Variants in ENTREP2 observed in about 807,000 individuals in gnomAD.
ENTREP2 encodes the protein endosomal transmembrane epsin interactor 2.
At chr15:29,174,994 ATGT>A in the ENTREP2 span, among the ~76,000 whole-genome samples, 3 of 152,208 alleles carry the variant, frequency 2.0e-5, no homozygotes, top group Admixed American at 6.5e-5. Flanking sequence ...GAGAGTAAAC[ATGT>A]TGTGATTTTT....
the ENTREP2 span, among the ~76,000 whole-genome samples, chr15:29,286,608 G>C: frequency 2.6e-5 from 4 of 152,180 alleles, no homozygotes; most frequent in Non-Finnish European, 1.5e-5. Context: ...CCCGGCCTCG[G>C]AGGCTGACAC....
At chr15:29,397,807 A>G in the ENTREP2 span, among the ~76,000 whole-genome samples, 1 of 152,182 alleles carries the variant, frequency 6.6e-6, no homozygotes, top group Non-Finnish European at 1.5e-5. Flanking sequence ...GCACAGAGGG[A>G]AAAAAGGGGG....
At chr15:29,635,941 G>A in the ENTREP2 span, among the ~76,000 whole-genome samples, 2 of 152,144 alleles carry the variant, frequency 1.3e-5, no homozygotes, top group African/African-American at 4.8e-5. Context: ...GGCTGCTCTG[G>A]AAGAAAAAGC....
the ENTREP2 span, among the ~76,000 whole-genome samples, chr15:29,292,141 CACTT>C: frequency 1.7e-4 from 26 of 152,274 alleles, no homozygotes; most frequent in African/African-American, 5.8e-4. Context: ...TGGAGACTGA[CACTT>C]ACTGCAACTT....
chr15:29,550,935 C>G, the ENTREP2 span, among the ~76,000 whole-genome samples: 1 of 152,156 alleles, frequency 6.6e-6, no homozygotes, highest in Non-Finnish European at 1.5e-5. Context: ...CACAGTCACA[C>G]AGCAAATATG....
At chr15:29,566,797 A>C in the ENTREP2 span, among the ~76,000 whole-genome samples, 362 of 151,518 alleles carry the variant, frequency 2.4e-3, 1 homozygote, top group African/African-American at 8.4e-3. Context: ...TTATATATTA[A>C]TTTCAGAGTA....
At chr15:29,366,579 T>C in the ENTREP2 span, among the ~76,000 whole-genome samples, 1 of 152,162 alleles carries the variant, frequency 6.6e-6, no homozygotes, top group Non-Finnish European at 1.5e-5. Flanking sequence ...TGCTTCCCTG[T>C]AGCCATTCTC....
the ENTREP2 span, among the ~76,000 whole-genome samples, chr15:29,622,416 C>T: frequency 6.6e-6 from 1 of 152,094 alleles, no homozygotes; most frequent in Non-Finnish European, 1.5e-5. Flanking sequence ...CCATGTTGAC[C>T]AGGCTGGTTT....
the ENTREP2 span, among the ~76,000 whole-genome samples, chr15:29,207,058 G>C: frequency 1.3e-5 from 2 of 152,106 alleles, no homozygotes; most frequent in Non-Finnish European, 2.9e-5. Flanking sequence ...AAAGCTACTC[G>C]CCAAGCAGCT....
chr15:29,227,107 C>T, the ENTREP2 span, among the ~76,000 whole-genome samples: 5 of 152,128 alleles, frequency 3.3e-5, no homozygotes, highest in African/African-American at 1.2e-4. Context: ...CTGGGGATAG[C>T]GGCTTGGAGG....
chr15:29,471,463 C>T, the ENTREP2 span, among the ~76,000 whole-genome samples: 4 of 152,184 alleles, frequency 2.6e-5, no homozygotes, highest in Non-Finnish European at 5.9e-5. Context: ...GAAAGACAAG[C>T]ACAGAAAACA....
At chr15:29,538,638 CAAAA>C in the ENTREP2 span, among the ~76,000 whole-genome samples, 1 of 78,996 alleles carries the variant, frequency 1.3e-5, no homozygotes, top group African/African-American at 4.6e-5. Flanking sequence ...ACTAAAAATA[CAAAA>C]AAAAAAAAAA....
chr15:29,399,197 G>A, the ENTREP2 span, among the ~76,000 whole-genome samples: 6 of 152,106 alleles, frequency 3.9e-5, no homozygotes, highest in South Asian at 2.1e-4. Flanking sequence ...TCTTTCCCTC[G>A]TAAAGCTTTT....
the ENTREP2 span, among the ~76,000 whole-genome samples, chr15:29,388,782 C>T: frequency 6.6e-6 from 1 of 151,918 alleles, no homozygotes; most frequent in Non-Finnish European, 1.5e-5. Context: ...TACTATGTAG[C>T]CATAAAAAAG....
chr15:29,346,345 A>G, the ENTREP2 span, among the ~76,000 whole-genome samples: 1 of 152,208 alleles, frequency 6.6e-6, no homozygotes, highest in African/African-American at 2.4e-5. Flanking sequence ...AAGGTGCCTC[A>G]GGCTGAAATC....
chr15:29,303,983 C>A, the ENTREP2 span, among the ~76,000 whole-genome samples: 2 of 152,026 alleles, frequency 1.3e-5, no homozygotes, highest in African/African-American at 4.8e-5. Context: ...CAGGTTCAGG[C>A]GATTCTCTTG....
chr15:29,651,544 C>T, the ENTREP2 span, among the ~76,000 whole-genome samples: 8 of 152,310 alleles, frequency 5.3e-5, no homozygotes, highest in African/African-American at 7.2e-5. Flanking sequence ...GCGCAAGACC[C>T]GGGCATCTCT....
chr15:29,641,876 T>C, the ENTREP2 span, among the ~76,000 whole-genome samples: 4 of 151,592 alleles, frequency 2.6e-5, no homozygotes, highest in Non-Finnish European at 5.9e-5. Context: ...CAAATTCATT[T>C]ACGAGATCAT....
At chr15:29,423,753 G>A in the ENTREP2 span, among the ~76,000 whole-genome samples, 2 of 152,068 alleles carry the variant, frequency 1.3e-5, no homozygotes, top group Admixed American at 6.5e-5. Flanking sequence ...AGCAGATATC[G>A]CGCCACTGCA....
Sources: gnomAD v4.1 joint callset for allele counts (sites outside exome capture counted in the v4.1 genomes callset) on GRCh38, gnomAD v4.1.1 for gene constraint, MANE v1.5 for transcripts, NCBI Gene and HGNC (gene_info 2026-07-23, HGNC 2026-07-21) for gene names.